Variants in GON4L observed in about 807,000 individuals in gnomAD.
The protein encoded by GON4L is gon-4 like.
Under a neutral mutation model 211.8 loss-of-function variants are expected in GON4L, and 87 were observed. The observed-to-expected ratio is 0.41, with a 90% confidence interval of 0.35 to 0.49. The LOEUF is 0.49. Ranked by LOEUF, GON4L falls within the 20% of genes least tolerant of loss-of-function variation. The pLI is 0.15. For missense variants in GON4L, 2,155 were observed against 2,659.5 expected (o/e 0.81, Z 4.17); for synonymous variants, 875 against 962.6 (o/e 0.91, Z 1.68).
chr1:155,748,998 A>G (rs1660360986), downstream of GON4L, among the ~76,000 whole-genome samples: 1 of 152,192 alleles, frequency 6.6e-6, no homozygotes, highest in Admixed American at 6.6e-5. Flanking sequence ...TGACGCCTGT[A>G]ATCCCAGCAC....
intron 11 of GON4L, among the ~76,000 whole-genome samples, chr1:155,802,912 C>T (rs1666808338): frequency 6.6e-6 from 1 of 152,168 alleles, no homozygotes; most frequent in African/African-American, 2.4e-5. Flanking sequence ...GCTAAGATCT[C>T]ACCACTGCAC....
chr1:155,776,469 A>G lies in GON4L; in HGVS notation c.2104T>C (p.Leu702=). The change falls in exon 16 of 32, where the codon TTG becomes CTG. Residue 702 remains leucine (L), a synonymous_variant. Transcript: ENST00000368331. Reference sequence around the variant, plus strand: ...GTGGCAAGAAGGTGGATTTGGGTCAAGAGCTGAACGTGCTGGGGATGGAAA... The same window carrying G: ...GTGGCAAGAAGGTGGATTTGGGTCAGGAGCTGAACGTGCTGGGGATGGAAA... ...QQQMQQHVQL[L]TQIHLLATCN... 6.2e-7 allele frequency: 1 copy of G among 1,612,020 alleles called. No homozygotes were observed. The highest frequency in any genetic ancestry group is 8.5e-7 in the Non-Finnish European group (1 of 1,178,082).
intron 3 of GON4L, among the ~76,000 whole-genome samples, chr1:155,825,583 A>AG (rs1242832638): frequency 6.9e-6 from 1 of 144,992 alleles, no homozygotes; most frequent in African/African-American, 2.6e-5. Flanking sequence ...AAACAAAAAA[A>AG]AAAAAAATTG....
In GON4L at chr1:155,762,639, T is replaced by C. The variant is rs796487580; in HGVS notation, c.4727-265A>G. Among the ~76,000 whole-genome samples, 18 of 152,360 alleles carry C rather than the reference T, an allele frequency of 1.2e-4. 1 individual carries two copies. The highest frequency in any genetic ancestry group is 4.3e-4 in the African/African-American group (18 of 41,588). ...AAGTCTAAAGAGCAAGTGTGGCTTC[T>C]GTAGTGCTTTTGAGAGACTATGTCT... On this transcript the variant is annotated intron_variant, in intron 22 of 31. Transcript: ENST00000368331.
At chr1:155,827,979 T>C (rs1669376012) in intron 2 of GON4L, among the ~76,000 whole-genome samples, 2 of 152,036 alleles carry the variant, frequency 1.3e-5, no homozygotes, top group Admixed American at 1.3e-4. Flanking sequence ...TGGAGATACC[T>C]TGTCTCTACA....
chr1:155,802,773 T>C (rs1317221036), intron 11 of GON4L, among the ~76,000 whole-genome samples: 3 of 152,152 alleles, frequency 2.0e-5, no homozygotes, highest in Non-Finnish European at 2.9e-5. Flanking sequence ...CTGGGCAACA[T>C]GGCAAAACCC....
At chr1:155,812,966 C>T (rs935815167) in intron 10 of GON4L, among the ~76,000 whole-genome samples, 2 of 152,120 alleles carry the variant, frequency 1.3e-5, no homozygotes, top group Non-Finnish European at 2.9e-5. Flanking sequence ...ATCATGCCTG[C>T]ATCACACTCT....
downstream of GON4L, chr1:155,747,983 C>T (rs552377553): frequency 1.7e-5 from 27 of 1,589,458 alleles, no homozygotes; most frequent in Non-Finnish European, 2.3e-5. Flanking sequence ...CGAGGAGGCC[C>T]AGAGAAACAT....
intron 12 of GON4L, among the ~76,000 whole-genome samples, chr1:155,787,451 A>C (rs911998325): frequency 6.6e-6 from 1 of 152,178 alleles, no homozygotes; most frequent in East Asian, 1.9e-4. Flanking sequence ...CAATTCTATA[A>C]AGGCCCTTCT....
chr1:155,840,131 T>A (rs1382904502), intron 2 of GON4L, among the ~76,000 whole-genome samples: 1 of 152,248 alleles, frequency 6.6e-6, no homozygotes, highest in Non-Finnish European at 1.5e-5. Context: ...AACTTGATTC[T>A]ATACTCTTGG....
rs1220077179 is a variant in GON4L, at chr1:155,844,252, T to A, written c.505+9024A>T. ...AAAAATTCAGGAATCTCTGGACTCT[T>A]TGGCAATTGTAGCCCTGACAACAGA... On this transcript the variant is annotated intron_variant, in intron 2 of 31. Transcript: ENST00000368331. 5.9e-5 allele frequency among the ~76,000 whole-genome samples: 9 copies of A among 151,958 alleles called. No individual in the cohort carries two copies. In the East Asian group the frequency reaches 1.7e-3, roughly 29 times the overall value.
At chr1:155,838,968 A>T (rs2102401063) in intron 2 of GON4L, among the ~76,000 whole-genome samples, 1 of 152,090 alleles carries the variant, frequency 6.6e-6, no homozygotes, top group Admixed American at 6.5e-5. Flanking sequence ...AAAAAATTTT[A>T]AAAACTGTGG....
intron 2 of GON4L, among the ~76,000 whole-genome samples, chr1:155,837,636 C>A (rs991110310): frequency 7.9e-5 from 12 of 152,054 alleles, no homozygotes; most frequent in Admixed American, 6.6e-4. Context: ...CTCTCTCCCC[C>A]ACCAGAGAAA....
chr1:155,854,834 G>A (rs990453682), intron 1 of GON4L, among the ~76,000 whole-genome samples: 3 of 152,030 alleles, frequency 2.0e-5, no homozygotes, highest in Non-Finnish European at 2.9e-5. Context: ...TCAGGAGTTC[G>A]AGACCAGCCT....
chr1:155,846,304 C>G (rs1671233438), intron 2 of GON4L: 1 of 157,362 alleles, frequency 6.4e-6, no homozygotes, highest in Non-Finnish European at 1.4e-5. Flanking sequence ...GGGCGGATCA[C>G]AAGGTCAGGA....
rs926644798 is a variant in GON4L at position 155,786,539 on chromosome 1, A to G, written c.1748-1165T>C. Among the ~76,000 whole-genome samples the G allele has an allele frequency of 6.4e-4, 97 of 152,124 alleles. 1 individual carries two copies. The highest frequency in any genetic ancestry group is 2.2e-3 in the African/African-American group (91 of 41,508). On this transcript the variant is annotated intron_variant, in intron 12 of 31. Transcript: ENST00000368331. The stretch of plus-strand genomic sequence containing the variant: ...GAGCAAGATATTGTCTTAAAAAAAA[A>G]AGAGAGAGAGAAAGACAAGTTTCCA...
Position 155,815,997 on chromosome 1 carries a change from A to G in GON4L, c.1066-97T>C, listed in dbSNP as rs1668205569. The G allele has an allele frequency of 6.3e-5, 50 of 791,994 alleles. 1 individual carries two copies. In the South Asian group the frequency reaches 6.9e-4, roughly 11 times the overall value. The allele number at this position is 791,994 out of a possible 1,614,324, so 49.1% of individuals were successfully genotyped here. On this transcript the variant is annotated intron_variant, in intron 7 of 31. Coordinates refer to ENST00000368331, the MANE Select transcript of GON4L (RefSeq NM_001282860.2). Reference sequence around the variant, plus strand: ...AAGAAGCAGGGCAGAAAAAAAAAAAATCCTAAGAGCATAATGTACAGCTAA... The same window carrying G: ...AAGAAGCAGGGCAGAAAAAAAAAAAGTCCTAAGAGCATAATGTACAGCTAA...
chr1:155,826,154 T>A (rs1669191642), intron 3 of GON4L, among the ~76,000 whole-genome samples: 1 of 151,726 alleles, frequency 6.6e-6, no homozygotes, highest in African/African-American at 2.4e-5. Flanking sequence ...AAGGCCACAG[T>A]AAGCCGTGAT....
intron 2 of GON4L, 82 bp downstream of exon 2, chr1:155,853,194 A>G: frequency 8.8e-7 from 1 of 1,136,538 alleles, no homozygotes; most frequent in Non-Finnish European, 1.3e-6. Context: ...TTTCAGAAAT[A>G]CTACTCTGTA....
Sources: allele counts gnomAD v4.1 joint callset (sites outside exome capture counted in the v4.1 genomes callset), GRCh38; gene constraint gnomAD v4.1.1; transcripts MANE v1.5; gene names NCBI Gene and HGNC (gene_info 2026-07-23, HGNC 2026-07-21).